The following DYNC1I1 variants were observed in gnomAD, a reference collection of about 807,000 sequenced individuals.
DYNC1I1 encodes the protein dynein cytoplasmic 1 intermediate chain 1.
In DYNC1I1, 43 loss-of-function variants were observed where a neutral mutation model predicts 86.6. That is an observed-to-expected ratio of 0.50 (90% CI 0.39 to 0.64). The LOEUF (loss-of-function observed/expected upper bound fraction) is 0.64. Among genes scored for constraint, DYNC1I1 ranks in the 30% least tolerant of loss-of-function variants. The pLI, the probability that DYNC1I1 is intolerant of heterozygous loss-of-function variation, is 0.00. For synonymous variants in DYNC1I1, 262 were observed against 283.7 expected (o/e 0.92, Z 0.77); for missense variants, 604 against 788.8 (o/e 0.77, Z 2.81).
At chr7:96,072,303 T>G (rs776314513) in intron 14 of DYNC1I1, among the ~76,000 whole-genome samples, 10 of 152,204 alleles carry the variant, frequency 6.6e-5, no homozygotes, top group Non-Finnish European at 8.8e-5. Context: ...TGTCACAATT[T>G]TATTTCATTG....
chr7:96,100,961 G>A (rs1353395004), downstream of DYNC1I1, among the ~76,000 whole-genome samples: 1 of 152,154 alleles, frequency 6.6e-6, no homozygotes, highest in South Asian at 2.1e-4. Flanking sequence ...GGTGAGAGAG[G>A]CATTAGCATC....
intron 5 of DYNC1I1, among the ~76,000 whole-genome samples, chr7:95,848,637 A>T (rs1047738582): frequency 1.3e-5 from 2 of 152,150 alleles, no homozygotes; most frequent in African/African-American, 4.8e-5. Flanking sequence ...TTTGATAAAC[A>T]CATAGGTTGA....
At chr7:95,835,225 A>C (rs980239508) in intron 5 of DYNC1I1, among the ~76,000 whole-genome samples, 1 of 103,668 alleles carries the variant, frequency 9.6e-6, no homozygotes, top group Non-Finnish European at 1.9e-5. Flanking sequence ...TCATTTCGTT[A>C]TGTACCCAGT....
At chr7:96,054,930 A>T (rs1401170596) in intron 14 of DYNC1I1, among the ~76,000 whole-genome samples, 12 of 152,014 alleles carry the variant, frequency 7.9e-5, no homozygotes, top group Non-Finnish European at 1.2e-4. Flanking sequence ...GTTCACTCTG[A>T]TGATAGTTTC....
At chr7:95,863,297 TC>T (rs1474659569) in intron 5 of DYNC1I1, among the ~76,000 whole-genome samples, 59 of 152,292 alleles carry the variant, frequency 3.9e-4, no homozygotes, top group African/African-American at 1.3e-3. Context: ...TCCATTTATT[TC>T]CAAGTAAGTA....
intron 6 of DYNC1I1, among the ~76,000 whole-genome samples, chr7:95,875,304 A>G (rs188718747): frequency 9.5e-4 from 145 of 152,332 alleles, no homozygotes; most frequent in African/African-American, 3.4e-3. Flanking sequence ...GAGAAAAATA[A>G]TATTTATTAT....
downstream of DYNC1I1, chr7:96,098,574 A>G (rs1791079375): frequency 2.5e-6 from 1 of 404,920 alleles, no homozygotes; most frequent in African/African-American, 2.2e-5. Context: ...TTAAACCAAG[A>G]CTCCTAGTTT....
At chr7:95,879,586 A>G (rs1333598884) in intron 6 of DYNC1I1, among the ~76,000 whole-genome samples, 1 of 152,222 alleles carries the variant, frequency 6.6e-6, no homozygotes, top group Non-Finnish European at 1.5e-5. Flanking sequence ...AAAGAAAGTC[A>G]TAACAAATAA....
intron 10 of DYNC1I1, among the ~76,000 whole-genome samples, chr7:95,998,842 G>A (rs1179616004): frequency 6.6e-6 from 1 of 152,106 alleles, no homozygotes; most frequent in Non-Finnish European, 1.5e-5. Context: ...GAAAGCAAAT[G>A]CACAAGAAAC....
chr7:96,001,449 T>C (rs1169578990), intron 10 of DYNC1I1, among the ~76,000 whole-genome samples: 1 of 152,212 alleles, frequency 6.6e-6, no homozygotes, highest in Non-Finnish European at 1.5e-5. Context: ...ATTAGCCTGC[T>C]CAGGCTGCTA....
chr7:95,838,406 G>GT (rs1789178337), intron 5 of DYNC1I1, among the ~76,000 whole-genome samples: 1 of 152,170 alleles, frequency 6.6e-6, no homozygotes, highest in South Asian at 2.1e-4. Flanking sequence ...CTATATGCCT[G>GT]TTTTTGTTAC....
chr7:95,848,478 A>T (rs913547927), intron 5 of DYNC1I1, among the ~76,000 whole-genome samples: 3 of 152,156 alleles, frequency 2.0e-5, no homozygotes, highest in Admixed American at 2.0e-4. Context: ...GAGTGAACTC[A>T]TACAGTACTT....
Position 96,039,414 on chromosome 7 carries a change from C to A in DYNC1I1, c.1502C>A (p.Thr501Asn), listed in dbSNP as rs1788969047. ...SSFDWTVKLW[T>N]TKHNKPLYSF... ...TTTGACTGGACTGTCAAACTGTGGA[C>A]CACCAAGGTAAGAATATCTTGACTG... Residue 501 changes from threonine (T) to asparagine (N), a missense_variant, in exon 14 of 17, where the codon ACC (threonine) becomes AAC (asparagine). Transcript: ENST00000447467. 1 of 1,613,898 alleles carries A rather than the reference C, an allele frequency of 6.2e-7. No homozygotes were observed. Among genetic ancestry groups the A allele is most frequent in the South Asian group, 1.1e-5 (1 of 91,066 alleles).
At chr7:95,884,219 T>C (rs1460996303) in intron 6 of DYNC1I1, among the ~76,000 whole-genome samples, 1 of 152,038 alleles carries the variant, frequency 6.6e-6, no homozygotes, top group Non-Finnish European at 1.5e-5. Context: ...CAGCGGGACA[T>C]GGTTAGAGAA....
rs904740319 is a variant in DYNC1I1 at position 95,842,671 on chromosome 7, C to T, written c.374+14555C>T. On this transcript the variant is annotated intron_variant, in intron 5 of 16. Transcript: ENST00000447467. ...GAATGAAGGAAAAAACAAGGTTGGG[C>T]ATTACATTACCTGTGCTGAAGTGGG... 3.9e-5 allele frequency among the ~76,000 whole-genome samples: 6 copies of T among 152,264 alleles called. 1 individual carries two copies. In the South Asian group the frequency reaches 1.2e-3, roughly 32 times the overall value.
chr7:96,076,422 A>C (rs1433759421), intron 15 of DYNC1I1, among the ~76,000 whole-genome samples: 1 of 152,220 alleles, frequency 6.6e-6, no homozygotes, highest in African/African-American at 2.4e-5. Flanking sequence ...GCTCTCGGAC[A>C]ATTAACGACC....
chr7:96,089,437 G>A (rs556527546), intron 16 of DYNC1I1, among the ~76,000 whole-genome samples: 3 of 152,092 alleles, frequency 2.0e-5, no homozygotes, highest in Non-Finnish European at 4.4e-5. Flanking sequence ...ATTGTTTAGA[G>A]CATTCAGGAT....
intron 6 of DYNC1I1, among the ~76,000 whole-genome samples, chr7:95,920,563 G>T (rs1319435953): frequency 6.6e-6 from 1 of 152,132 alleles, no homozygotes; most frequent in Non-Finnish European, 1.5e-5. Context: ...ACTGGGTGAG[G>T]GGTCCATCCA....
chr7:96,035,668 G>C lies in DYNC1I1; in HGVS notation c.1280G>C (p.Gly427Ala). 6.2e-7 allele frequency: 1 copy of C among 1,611,810 alleles called. No individual in the cohort carries two copies. The highest frequency in any genetic ancestry group is 8.5e-7 in the Non-Finnish European group (1 of 1,178,980). ...YNKSKPVAVT[G>A]MAFPTGDVNN... Reference sequence around the variant, plus strand: ...AAGTCCAAGCCTGTCGCTGTTACCGGAATGGCTTTCCCAACGGGAGACGTC... The same window carrying C: ...AAGTCCAAGCCTGTCGCTGTTACCGCAATGGCTTTCCCAACGGGAGACGTC... The change falls in exon 13 of 17, where the codon GGA becomes GCA. Residue 427 changes from glycine (G) to alanine (A), a missense_variant. Transcript: ENST00000447467.
Sources: gnomAD v4.1 joint callset for allele counts (sites outside exome capture counted in the v4.1 genomes callset) on GRCh38, gnomAD v4.1.1 for gene constraint, MANE v1.5 for transcripts, NCBI Gene and HGNC (gene_info 2026-07-23, HGNC 2026-07-21) for gene names.